Variants in RBMS1 observed in about 807,000 individuals in gnomAD.
RBMS1 encodes the protein RNA binding motif single stranded interacting protein 1.
RBMS1 carries 17 observed loss-of-function variants against 62.3 expected under a neutral mutation model. The ratio of observed to expected loss-of-function variants is 0.27; its 90% confidence interval spans 0.19 to 0.41. The LOEUF (loss-of-function observed/expected upper bound fraction) is 0.41. Ranked by LOEUF, RBMS1 falls within the 10% of genes least tolerant of loss-of-function variation. The probability of loss-of-function intolerance (pLI) is 1.00; values close to 1 mark genes in which losing one functional copy is unlikely to be tolerated. For missense variants in RBMS1, 334 were observed against 504.5 expected (o/e 0.66, Z 3.24); for synonymous variants, 172 against 170.0 (o/e 1.01, Z -0.09).
chr2:160,303,809 T>C (rs368675997), intron 4 of RBMS1, among the ~76,000 whole-genome samples: 1 of 152,164 alleles, frequency 6.6e-6, no homozygotes, highest in Non-Finnish European at 1.5e-5. Flanking sequence ...CCACTGTTAT[T>C]TTTAGGAGTC....
At chr2:160,456,724 G>A (rs1684248345) in intron 1 of RBMS1, among the ~76,000 whole-genome samples, 1 of 152,292 alleles carries the variant, frequency 6.6e-6, no homozygotes, top group South Asian at 2.1e-4. Flanking sequence ...TATTTTGACT[G>A]TCTGTTCCCT....
chr2:160,305,563 T>C (rs1293294580), intron 4 of RBMS1, among the ~76,000 whole-genome samples: 1 of 152,084 alleles, frequency 6.6e-6, no homozygotes, highest in African/African-American at 2.4e-5. Context: ...CACCTAACAA[T>C]GCATTCACCA....
intron 10 of RBMS1, chr2:160,278,905 T>C (rs1340158657): frequency 2.8e-6 from 1 of 357,412 alleles, no homozygotes; most frequent in East Asian, 5.6e-5. Flanking sequence ...ATCCCTGTAT[T>C]AAAGCCAGTG....
At chr2:160,323,035 G>A (rs1690668901) in intron 2 of RBMS1, among the ~76,000 whole-genome samples, 1 of 152,104 alleles carries the variant, frequency 6.6e-6, no homozygotes, top group Non-Finnish European at 1.5e-5. Flanking sequence ...GGGTGAGGGG[G>A]AGCTGTTATA....
chr2:160,288,071 C>T (rs1426331471), intron 6 of RBMS1, among the ~76,000 whole-genome samples: 1 of 149,882 alleles, frequency 6.7e-6, no homozygotes, highest in Non-Finnish European at 1.5e-5. Context: ...CTACAGACAG[C>T]ACAATAGGGC....
chr2:160,483,693 C>G (rs1343811776), intron 1 of RBMS1, among the ~76,000 whole-genome samples: 1 of 152,158 alleles, frequency 6.6e-6, no homozygotes, highest in East Asian at 1.9e-4. Flanking sequence ...ATCACACACA[C>G]CTGTTAGTGG....
chr2:160,465,938 T>C (rs1684674452), intron 1 of RBMS1, among the ~76,000 whole-genome samples: 1 of 152,018 alleles, frequency 6.6e-6, no homozygotes. Flanking sequence ...AAGAATGTCA[T>C]CTAACTTCCA....
chr2:160,280,419 A>G (rs907351139), intron 10 of RBMS1, among the ~76,000 whole-genome samples: 10 of 152,222 alleles, frequency 6.6e-5, no homozygotes, highest in African/African-American at 2.2e-4. Flanking sequence ...TTTCTCATTC[A>G]GAACCTGTTA....
At chr2:160,464,948 A>C (rs75683197) in intron 1 of RBMS1, among the ~76,000 whole-genome samples, 1,815 of 152,344 alleles carry the variant, frequency 0.012, 18 homozygotes, top group South Asian at 0.025. Context: ...CAATGTGCTT[A>C]TTTACAGAAT....
intron 1 of RBMS1, among the ~76,000 whole-genome samples, chr2:160,450,895 A>G (rs1309567652): frequency 6.6e-6 from 1 of 152,166 alleles, no homozygotes; most frequent in Non-Finnish European, 1.5e-5. Context: ...GAAAAAGGAC[A>G]GGTGCAGTGG....
chr2:160,431,916 C>G (rs1682911428), intron 1 of RBMS1, among the ~76,000 whole-genome samples: 1 of 152,148 alleles, frequency 6.6e-6, no homozygotes, highest in Admixed American at 6.5e-5. Flanking sequence ...TTTCTGGACT[C>G]ACAAAGCTGC....
intron 2 of RBMS1, among the ~76,000 whole-genome samples, chr2:160,346,953 T>C (rs960229957): frequency 4.6e-5 from 7 of 152,110 alleles, no homozygotes; most frequent in Non-Finnish European, 7.4e-5. Flanking sequence ...AGAATGATTA[T>C]GAAAGAAACT....
intron 1 of RBMS1, among the ~76,000 whole-genome samples, chr2:160,414,634 G>A (rs1168247738): frequency 6.6e-6 from 1 of 152,080 alleles, no homozygotes; most frequent in Non-Finnish European, 1.5e-5. Context: ...TCATAAATTA[G>A]TTATTGCTCT....
intron 1 of RBMS1, among the ~76,000 whole-genome samples, chr2:160,483,368 T>G (rs574577397): frequency 1.6e-4 from 25 of 152,198 alleles, no homozygotes; most frequent in Non-Finnish European, 2.9e-4. Context: ...GAGTATACAT[T>G]TATCATAAAA....
At chr2:160,457,367 T>C (rs994657637) in intron 1 of RBMS1, among the ~76,000 whole-genome samples, 1 of 152,160 alleles carries the variant, frequency 6.6e-6, no homozygotes, top group African/African-American at 2.4e-5. Context: ...CGACCTCAGG[T>C]GATCTGCCTG....
rs1274405310 is a variant in RBMS1 at position 160,272,622 on chromosome 2, T to A, written c.*2150A>T. The A allele has an allele frequency of 1.3e-5, 2 of 152,140 alleles. No individual in the cohort carries two copies. Among genetic ancestry groups the A allele is most frequent in the Non-Finnish European group, 2.9e-5 (2 of 68,024 alleles). The allele number at this position is 152,140 out of a possible 1,614,324, so 9.4% of individuals were successfully genotyped here. A position where few individuals can be genotyped will look rare whatever the true frequency, so the allele number is the denominator to read the frequency against. On this transcript the variant is annotated 3_prime_UTR_variant, in exon 14 of 14. Coordinates refer to ENST00000348849, the MANE Select transcript of RBMS1 (RefSeq NM_016836.4). ...TTCTGTCTTAACTAATGCAAAAATA[T>A]CAAGTAGTGAGAGACCCAGGTTTAT...
At chr2:160,439,196 AC>A (rs896147464) in intron 1 of RBMS1, among the ~76,000 whole-genome samples, 2 of 143,502 alleles carry the variant, frequency 1.4e-5, no homozygotes, top group East Asian at 2.1e-4. Context: ...CGGGGGGCTG[AC>A]CCCCCCACCT....
intron 1 of RBMS1, among the ~76,000 whole-genome samples, chr2:160,418,070 A>G (rs1265961865): frequency 1.3e-5 from 2 of 152,212 alleles, no homozygotes; most frequent in Non-Finnish European, 2.9e-5. Flanking sequence ...CAGTGCATTT[A>G]TATAATAAGA....
At chr2:160,330,032 C>T (rs1691169154) in intron 2 of RBMS1, among the ~76,000 whole-genome samples, 1 of 152,112 alleles carries the variant, frequency 6.6e-6, no homozygotes, top group Non-Finnish European at 1.5e-5. Context: ...AAGAGCAAGT[C>T]ATGACACCTT....
Sources: allele counts gnomAD v4.1 joint callset (sites outside exome capture counted in the v4.1 genomes callset), GRCh38; gene constraint gnomAD v4.1.1; transcripts MANE v1.5; gene names NCBI Gene and HGNC (gene_info 2026-07-23, HGNC 2026-07-21).